Variants in GTF3C5 observed in about 807,000 individuals in gnomAD.
The protein encoded by GTF3C5 is general transcription factor IIIC subunit 5.
A neutral mutation model predicts 61.0 loss-of-function variants in GTF3C5; 47 were observed. The observed-to-expected ratio is 0.77, with a 90% CI of 0.61 to 0.98. GTF3C5 has a LOEUF of 0.98. Ranked by LOEUF, GTF3C5 falls within the 50% of genes least tolerant of loss-of-function variation. GTF3C5 has a pLI of 0.00. For missense variants in GTF3C5, 659 were observed against 703.3 expected (o/e 0.94, Z 0.71); for synonymous variants, 295 against 275.4 (o/e 1.07, Z -0.71).
At chr9:133,035,098 G>C (rs1671780183) in intron 1 of GTF3C5, among the ~76,000 whole-genome samples, 1 of 152,016 alleles carries the variant, frequency 6.6e-6, no homozygotes, top group South Asian at 2.1e-4. Flanking sequence ...TCTAGTACTT[G>C]GGCTAGTTTC....
Position 133,043,769 on chromosome 9 carries a change from G to C in GTF3C5, c.415G>C (p.Gly139Arg). 1.9e-6 allele frequency: 3 copies of C among 1,614,184 alleles called. No individual in the cohort carries two copies. Among genetic ancestry groups the C allele is most frequent in the Non-Finnish European group, 2.5e-6 (3 of 1,180,030 alleles). The change falls in exon 3 of 11, where the codon GGC (glycine) becomes CGC (arginine). Residue 139 changes from glycine (G) to arginine (R), a missense_variant. By Grantham distance (125) the Gly-to-Arg change is moderately radical. Transcript: ENST00000372097. ...GTACTTGGCTGTGCATACGGAAGCA[G>C]GCGGCAAGCATACGTCAATGTATGA... ...FQYLAVHTEA[G>R]GKHTSMYDKV...
At chr9:133,046,994 A>G (rs1356902773) in intron 3 of GTF3C5, among the ~76,000 whole-genome samples, 1 of 152,118 alleles carries the variant, frequency 6.6e-6, no homozygotes, top group African/African-American at 2.4e-5. Context: ...GCATTGCAGA[A>G]AGGTGGAGAG....
rs182687537 is a variant in GTF3C5 at position 133,053,132 on chromosome 9, G to A, written c.874-696G>A. 2.4e-4 allele frequency among the ~76,000 whole-genome samples: 37 copies of A among 152,296 alleles called. 1 individual carries two copies. The highest frequency in any genetic ancestry group is 8.9e-4 in the African/African-American group (37 of 41,566). On this transcript the variant is annotated intron_variant, in intron 5 of 10. Coordinates refer to ENST00000372097, the MANE Select transcript of GTF3C5 (RefSeq NM_012087.4). ...TGGGATTATAGGCGAGAGCCACTGC[G>A]GCTGGCTGGCATTGGCTTTTTAGAC...
At chr9:133,035,339 C>T (rs565976406) in intron 1 of GTF3C5, among the ~76,000 whole-genome samples, 1 of 152,256 alleles carries the variant, frequency 6.6e-6, no homozygotes, top group South Asian at 2.1e-4. Flanking sequence ...CACTTTGGGA[C>T]GGTCTTAACC....
intron 3 of GTF3C5, among the ~76,000 whole-genome samples, chr9:133,049,131 T>A (rs1041358735): frequency 6.6e-6 from 1 of 152,218 alleles, no homozygotes; most frequent in Non-Finnish European, 1.5e-5. Context: ...ATCAGCACCC[T>A]TCGACCCCTG....
In GTF3C5 at chr9:133,053,958, A is replaced by G. The variant is rs751254520; in HGVS notation, c.988+16A>G. 2 of 1,450,382 alleles carry G rather than the reference A, an allele frequency of 1.4e-6. No individual in the cohort carries two copies. Among genetic ancestry groups the G allele is most frequent in the Middle Eastern group, 3.5e-4 (2 of 5,748 alleles). The allele number at this position is 1,450,382 out of a possible 1,614,324, so 89.8% of individuals were successfully genotyped here. On this transcript the variant is annotated intron_variant, in intron 6 of 10. Transcript: ENST00000372097. The stretch of plus-strand genomic sequence containing the variant: ...ATGAAACACGGTAAAAATTCCTGAA[A>G]GCTTTGCTTCCTGCCTTTCTCTCTC...
At position 133,046,308 on chromosome 9, in the gene GTF3C5, T is replaced by A. The variant is rs189351747; in HGVS notation, c.572+2382T>A. 5.3e-5 allele frequency among the ~76,000 whole-genome samples: 8 copies of A among 152,192 alleles called. No homozygotes were observed. In the East Asian group the frequency reaches 1.5e-3, roughly 29 times the overall value. On this transcript the variant is annotated intron_variant, in intron 3 of 10. Transcript: ENST00000372097. ...TCACACCACTGCACTCCAGCCTGGGTGACAGAACAAAACCCTGTCTCAATA... is the reference window on the plus strand; with the variant it reads ...TCACACCACTGCACTCCAGCCTGGGAGACAGAACAAAACCCTGTCTCAATA...
At chr9:133,034,170 C>T (rs958565521) in intron 1 of GTF3C5, among the ~76,000 whole-genome samples, 5 of 152,168 alleles carry the variant, frequency 3.3e-5, no homozygotes, top group Admixed American at 6.5e-5. Flanking sequence ...TGGAGTGGAG[C>T]GATGGATAAG....
chr9:133,036,737 A>T (rs546403768), intron 1 of GTF3C5, among the ~76,000 whole-genome samples: 5 of 152,210 alleles, frequency 3.3e-5, no homozygotes, highest in Non-Finnish European at 5.9e-5. Flanking sequence ...AGGGCATATG[A>T]GTCAATCCGT....
chr9:133,052,015 G>GA, intron 4 of GTF3C5, 45 bp from the exon 5 acceptor site: 1 of 1,038,170 alleles, frequency 9.6e-7, no homozygotes, highest in South Asian at 1.5e-5. Context: ...CCGAAGGGTG[G>GA]AAGCTGCTGG....
chr9:133,036,816 G>A (rs1378721464), intron 1 of GTF3C5, among the ~76,000 whole-genome samples: 1 of 152,130 alleles, frequency 6.6e-6, no homozygotes, highest in Non-Finnish European at 1.5e-5. Flanking sequence ...AAGTTAAGAA[G>A]GACACGATCC....
intron 10 of GTF3C5, among the ~76,000 whole-genome samples, 158 bp downstream of exon 10, chr9:133,057,066 G>A (rs1384692997): frequency 1.3e-5 from 2 of 152,196 alleles, no homozygotes; most frequent in Non-Finnish European, 2.9e-5. Flanking sequence ...CCAGAGCCCA[G>A]CCCAGGTGCT....
At chr9:133,045,403 T>C (rs1328717519) in intron 3 of GTF3C5, among the ~76,000 whole-genome samples, 2 of 152,242 alleles carry the variant, frequency 1.3e-5, no homozygotes, top group African/African-American at 2.4e-5. Flanking sequence ...TCCTGATTTT[T>C]GTATGCTCTA....
chr9:133,047,520 C>T (rs911757810), intron 3 of GTF3C5, among the ~76,000 whole-genome samples: 3 of 151,018 alleles, frequency 2.0e-5, no homozygotes, highest in Non-Finnish European at 2.9e-5. Flanking sequence ...TGACATGATC[C>T]TTCCTTTTTT....
At chr9:133,055,905 A>T (rs996373454) in intron 8 of GTF3C5, 107 bp from the exon 9 acceptor site, 1 of 1,509,788 alleles carries the variant, frequency 6.6e-7, no homozygotes. Flanking sequence ...CCTGGTGACC[A>T]GCCAGCTCCC....
At chr9:133,037,544 T>G (rs1368797659) in intron 1 of GTF3C5, among the ~76,000 whole-genome samples, 1 of 152,150 alleles carries the variant, frequency 6.6e-6, no homozygotes, top group Non-Finnish European at 1.5e-5. Context: ...ACTTGGAGTC[T>G]TCCCCAATTC....
intron 4 of GTF3C5, 171 bp from the exon 5 acceptor site, chr9:133,051,889 A>G (rs892451097): frequency 4.3e-6 from 2 of 463,032 alleles, no homozygotes. Flanking sequence ...GAGGGAAGGG[A>G]TGAATTAGTG....
Position 133,055,804 on chromosome 9 carries a change from T to G in GTF3C5, c.1168-208T>G, listed in dbSNP as rs1588481428. The G allele has an allele frequency of 1.4e-5, 19 of 1,384,034 alleles. No homozygotes were observed. In the East Asian group the frequency reaches 5.1e-4, roughly 37 times the overall value. 85.7% of individuals were successfully genotyped at this position (1,384,034 alleles called of 1,614,324 possible). A position where few individuals can be genotyped will look rare whatever the true frequency, so the allele number is the denominator to read the frequency against. ...AGTGGCCCCAGGAGGGCCTGGGTGCTCCTCTGCCTCTCCCAGAGCCTCCTG... is the reference window on the plus strand; with the variant it reads ...AGTGGCCCCAGGAGGGCCTGGGTGCGCCTCTGCCTCTCCCAGAGCCTCCTG... On this transcript the variant is annotated intron_variant, in intron 8 of 10. Coordinates refer to ENST00000372097, the MANE Select transcript of GTF3C5 (RefSeq NM_012087.4).
At chr9:133,042,582 A>T (rs560903025) in intron 2 of GTF3C5, among the ~76,000 whole-genome samples, 1 of 152,328 alleles carries the variant, frequency 6.6e-6, no homozygotes, top group South Asian at 2.1e-4. Context: ...GTGGGACCAA[A>T]TAAAACTGGT....
Sources: allele counts gnomAD v4.1 joint callset (sites outside exome capture counted in the v4.1 genomes callset), GRCh38; gene constraint gnomAD v4.1.1; transcripts MANE v1.5; gene names NCBI Gene and HGNC (gene_info 2026-07-23, HGNC 2026-07-21).